Variants in HHAT observed in about 807,000 individuals in gnomAD.
HHAT encodes the protein protein-cysteine N-palmitoyltransferase HHAT.
Under a neutral mutation model 70.8 loss-of-function variants are expected in HHAT, and 47 were observed. The ratio of observed to expected loss-of-function variants is 0.66; its 90% CI spans 0.53 to 0.85. The LOEUF is 0.85. Among genes scored for constraint, HHAT ranks in the 40% least tolerant of loss-of-function variants. HHAT has a pLI of 0.00. For missense variants in HHAT, 609 were observed against 604.8 expected, an observed-to-expected ratio of 1.01 and a Z score of -0.07; for synonymous variants, 228 against 247.6, an observed-to-expected ratio of 0.92 and a Z score of 0.74.
chr1:210,539,664 C>CA, intron 9 of HHAT, among the ~76,000 whole-genome samples: 1 of 152,246 alleles, frequency 6.6e-6, no homozygotes, highest in South Asian at 2.1e-4. Context: ...CCCAGTCTGG[C>CA]AATGTGTAAA....
At chr1:210,613,212 GTT>G (rs374431295) in intron 10 of HHAT, among the ~76,000 whole-genome samples, 170 of 152,204 alleles carry the variant, frequency 1.1e-3, no homozygotes, top group African/African-American at 4.0e-3. Context: ...GTCTCCCCCT[GTT>G]TTCTTTTAAG....
At chr1:210,385,207 T>C (rs2090947641) in intron 3 of HHAT, among the ~76,000 whole-genome samples, 1 of 146,986 alleles carries the variant, frequency 6.8e-6, no homozygotes, top group African/African-American at 2.5e-5. Context: ...TAAATGTAAT[T>C]CTAAGTGTTC....
intron 10 of HHAT, among the ~76,000 whole-genome samples, chr1:210,599,029 G>C (rs1441583112): frequency 6.6e-6 from 1 of 152,100 alleles, no homozygotes; most frequent in Admixed American, 6.5e-5. Flanking sequence ...GCAAATACTT[G>C]TCAGAGCTGA....
At chr1:210,540,433 T>A (rs1216988241) in intron 9 of HHAT, among the ~76,000 whole-genome samples, 2 of 135,396 alleles carry the variant, frequency 1.5e-5, no homozygotes, top group East Asian at 4.6e-4. Context: ...AATAGGAGAT[T>A]TTTTCCCTCT....
chr1:210,661,806 C>G (rs1297886926), intron 11 of HHAT, among the ~76,000 whole-genome samples: 1 of 151,816 alleles, frequency 6.6e-6, no homozygotes, highest in African/African-American at 2.4e-5. Flanking sequence ...CCGTAAACAC[C>G]ACATGTTCTC....
At chr1:210,376,156 C>T (rs920693022) in intron 3 of HHAT, among the ~76,000 whole-genome samples, 10 of 151,838 alleles carry the variant, frequency 6.6e-5, no homozygotes, top group African/African-American at 1.7e-4. Flanking sequence ...TGAGCCACCA[C>T]GCCTGGCTCA....
chr1:210,447,187 T>G (rs997656091), intron 7 of HHAT, among the ~76,000 whole-genome samples: 1 of 152,214 alleles, frequency 6.6e-6, no homozygotes, highest in African/African-American at 2.4e-5. Context: ...TGTACTTATC[T>G]GTAAAATAAG....
At chr1:210,447,584 G>T (rs773457709) in intron 7 of HHAT, among the ~76,000 whole-genome samples, 2 of 152,186 alleles carry the variant, frequency 1.3e-5, no homozygotes, top group Non-Finnish European at 2.9e-5. Context: ...TCAAGCATTG[G>T]CTGAGGAAAG....
At chr1:210,379,726 G>A (rs1348578797) in intron 3 of HHAT, among the ~76,000 whole-genome samples, 2 of 152,144 alleles carry the variant, frequency 1.3e-5, no homozygotes, top group African/African-American at 2.4e-5. Flanking sequence ...TTGTTTGTTC[G>A]TTTATTTACA....
chr1:210,669,881 T>C (rs12024118), intron 11 of HHAT, among the ~76,000 whole-genome samples: 15,504 of 151,508 alleles, frequency 0.1, 2,143 homozygotes, highest in African/African-American at 0.31. Flanking sequence ...AATGTGAGAG[T>C]ATGTATGTTG....
At chr1:210,514,619 A>G (rs2095022702) in intron 9 of HHAT, among the ~76,000 whole-genome samples, 2 of 152,190 alleles carry the variant, frequency 1.3e-5, no homozygotes, top group African/African-American at 4.8e-5. Flanking sequence ...TTAGTCACCT[A>G]TCAATGATTA....
chr1:210,478,917 A>C (rs1185005290), intron 8 of HHAT, among the ~76,000 whole-genome samples: 5 of 152,166 alleles, frequency 3.3e-5, no homozygotes, highest in African/African-American at 4.8e-5. Flanking sequence ...ATGAGAGACA[A>C]GCATCTGGGA....
intron 9 of HHAT, among the ~76,000 whole-genome samples, chr1:210,564,524 GC>G (rs1325059159): frequency 6.6e-6 from 1 of 152,226 alleles, no homozygotes; most frequent in Non-Finnish European, 1.5e-5. Flanking sequence ...TGGAATGTAT[GC>G]CATCCTATTC....
chr1:210,486,543 G>C (rs2094474983), intron 8 of HHAT, among the ~76,000 whole-genome samples: 1 of 152,200 alleles, frequency 6.6e-6, no homozygotes, highest in East Asian at 1.9e-4. Flanking sequence ...AGGTAGAACT[G>C]ATCAAGCATG....
At chr1:210,630,818 G>T (rs561603834) in intron 11 of HHAT, among the ~76,000 whole-genome samples, 1 of 152,184 alleles carries the variant, frequency 6.6e-6, no homozygotes, top group Non-Finnish European at 1.5e-5. Flanking sequence ...GTGTGGAGTT[G>T]TCAGGATGCA....
At chr1:210,669,870 G>A (rs1357764173) in intron 11 of HHAT, among the ~76,000 whole-genome samples, 1 of 152,236 alleles carries the variant, frequency 6.6e-6, no homozygotes, top group Non-Finnish European at 1.5e-5. Flanking sequence ...CAGAGACAGA[G>A]AATGTGAGAG....
chr1:210,465,601 T>C (rs2148443379), intron 8 of HHAT, among the ~76,000 whole-genome samples: 1 of 152,264 alleles, frequency 6.6e-6, no homozygotes, highest in Non-Finnish European at 1.5e-5. Context: ...AGCCCCCCAG[T>C]AGTTGGGATC....
At chr1:210,380,820 G>T (rs2090577638) in intron 3 of HHAT, among the ~76,000 whole-genome samples, 2 of 151,918 alleles carry the variant, frequency 1.3e-5, no homozygotes, top group Admixed American at 1.3e-4. Flanking sequence ...GGGTCAGAGG[G>T]GTCAATGCAG....
Position 210,335,318 on chromosome 1 carries a change from G to GGAA in HHAT, c.-44+6214_-44+6215insGAA, listed in dbSNP as rs1553311769. 5.8e-3 allele frequency among the ~76,000 whole-genome samples: 842 copies of GGAA among 145,714 alleles called. 8 individuals are homozygous for GGAA. Among genetic ancestry groups the GGAA allele is most frequent in the African/African-American group, 0.019 (736 of 39,730 alleles). On this transcript the variant is annotated intron_variant, in intron 1 of 11. Coordinates refer to ENST00000261458, the MANE Select transcript of HHAT (RefSeq NM_018194.6). Reference sequence around the variant, plus strand: ...ATACAACTCAGCACCCATTCATGATGAAAAAAAAAAAAGCCTCTTTGCAAG... The same window carrying GGAA: ...ATACAACTCAGCACCCATTCATGATGGAAAAAAAAAAAAAAGCCTCTTTGCAAG...
Sources: gnomAD v4.1 joint callset for allele counts (sites outside exome capture counted in the v4.1 genomes callset) on GRCh38, gnomAD v4.1.1 for gene constraint, MANE v1.5 for transcripts, NCBI Gene and HGNC (gene_info 2026-07-23, HGNC 2026-07-21) for gene names.